The following RPTOR variants were observed in gnomAD, a reference collection of about 807,000 sequenced individuals.
RPTOR encodes the protein regulatory-associated protein of mTOR.
In RPTOR, 21 loss-of-function variants were observed where a neutral mutation model predicts 169.9. The ratio of observed to expected loss-of-function variants is 0.12; its 90% CI spans 0.09 to 0.18. The LOEUF (loss-of-function observed/expected upper bound fraction) is 0.18. Ranked by LOEUF, RPTOR falls within the 10% of genes least tolerant of loss-of-function variation. RPTOR has a pLI of 1.00. For missense variants in RPTOR, 1,133 were observed against 1,855.9 expected (o/e 0.61, Z 7.16); for synonymous variants, 732 against 753.2 (o/e 0.97, Z 0.46).
intron 24 of RPTOR, among the ~76,000 whole-genome samples, chr17:80,938,345 C>T (rs1248101019): frequency 6.6e-6 from 1 of 152,262 alleles, no homozygotes; most frequent in East Asian, 1.9e-4. Flanking sequence ...GAATTCCCAT[C>T]AGTTCCTCTC....
chr17:80,689,411 C>T (rs181998453), intron 3 of RPTOR, among the ~76,000 whole-genome samples: 27 of 152,346 alleles, frequency 1.8e-4, no homozygotes, highest in Admixed American at 8.5e-4. Context: ...CCGAAGCCAT[C>T]GCTGGAGCCC....
intron 24 of RPTOR, 86 bp from the exon 25 acceptor site, chr17:80,940,410 G>C: frequency 2.1e-5 from 23 of 1,106,466 alleles, no homozygotes; most frequent in Non-Finnish European, 3.0e-5. Context: ...TGCTATCCGA[G>C]GGGTCCTAGA....
intron 28 of RPTOR, among the ~76,000 whole-genome samples, chr17:80,956,371 G>A (rs8068193): frequency 0.34 from 51,022 of 152,170 alleles, 9,874 homozygotes; most frequent in East Asian, 0.55. Flanking sequence ...AATACAGGCC[G>A]TCACGTGAGG....
rs145764987 is a variant in RPTOR at position 80,553,631 on chromosome 17, A to G, written c.162+7840A>G. ...TAATTCAGTGAACAAATATTTCCAG[A>G]TGACCAATCCATGATATTATAAAAT... On this transcript the variant is annotated intron_variant, in intron 1 of 33. Coordinates refer to ENST00000306801, the MANE Select transcript of RPTOR (RefSeq NM_020761.3). Among the ~76,000 whole-genome samples the G allele has an allele frequency of 2.4e-3, 370 of 152,338 alleles. 1 individual carries two copies. Among genetic ancestry groups the G allele is most frequent in the African/African-American group, 8.3e-3 (347 of 41,580 alleles).
At chr17:80,632,347 C>G (rs2065448929) in intron 2 of RPTOR, among the ~76,000 whole-genome samples, 2 of 152,342 alleles carry the variant, frequency 1.3e-5, no homozygotes, top group African/African-American at 2.4e-5. Flanking sequence ...GACGCGCAGG[C>G]CCTTCGGGGT....
rs1048529302 is a variant in RPTOR at position 80,646,904 on chromosome 17, G to A, written c.348+3094G>A. On this transcript the variant is annotated intron_variant, in intron 3 of 33. Coordinates refer to ENST00000306801, the MANE Select transcript of RPTOR (RefSeq NM_020761.3). This position sits in a 1 kb window ranked among gnomAD's most constrained non-coding sequence, Gnocchi z 5.0. ...GTAGGAAATGCCTGTTTTCTCAACG[G>A]TAGCGTCCATCCAGGAGGTGCAGAA... 2.0e-5 allele frequency among the ~76,000 whole-genome samples: 3 copies of A among 152,146 alleles called. No homozygotes were observed. The highest frequency in any genetic ancestry group is 2.9e-5 in the Non-Finnish European group (2 of 68,024).
Position 80,549,800 on chromosome 17 carries a change from T to G in RPTOR, c.162+4009T>G, listed in dbSNP as rs9894515. Reference sequence around the variant, plus strand: ...TACACACATGTAGACTGACAGACACTCTGTCTACATGCATGTAGCACCCCT... The same window carrying G: ...TACACACATGTAGACTGACAGACACGCTGTCTACATGCATGTAGCACCCCT... On this transcript the variant is annotated intron_variant, in intron 1 of 33. Coordinates refer to ENST00000306801, the MANE Select transcript of RPTOR (RefSeq NM_020761.3). Among the ~76,000 whole-genome samples the G allele has an allele frequency of 5.9e-5, 9 of 152,296 alleles. No homozygotes were observed. The East Asian group carries it at 1.7e-3, about 29-fold the overall frequency.
Position 80,674,085 on chromosome 17 carries a change from A to G in RPTOR, c.348+30275A>G, listed in dbSNP as rs556382547. Among the ~76,000 whole-genome samples, 3 of 152,268 alleles carry G rather than the reference A, an allele frequency of 2.0e-5. No homozygotes were observed. The South Asian group carries it at 6.2e-4, about 32-fold the overall frequency. ...TTTGTAAAGCACCAATGATTTCACC[A>G]TTCTCCCACCCAAGGTTCATTATAA... On this transcript the variant is annotated intron_variant, in intron 3 of 33. Coordinates refer to ENST00000306801, the MANE Select transcript of RPTOR (RefSeq NM_020761.3).
chr17:80,925,058 A>G (rs1423308414), intron 23 of RPTOR, among the ~76,000 whole-genome samples: 1 of 152,156 alleles, frequency 6.6e-6, no homozygotes, highest in Non-Finnish European at 1.5e-5. Context: ...ACCAGCACAC[A>G]TGGACGCACG....
chr17:80,612,527 T>G (rs1187227432), intron 1 of RPTOR, among the ~76,000 whole-genome samples: 1 of 152,276 alleles, frequency 6.6e-6, no homozygotes, highest in Non-Finnish European at 1.5e-5. Context: ...GCTTCCAGTG[T>G]CGAATTATCT....
intron 1 of RPTOR, among the ~76,000 whole-genome samples, chr17:80,598,759 C>G (rs2065162773): frequency 6.6e-6 from 1 of 152,206 alleles, no homozygotes; most frequent in Non-Finnish European, 1.5e-5. Context: ...AGGCACCGGA[C>G]ATGAAGCTGA....
chr17:80,624,264 A>G (rs2065376664), intron 1 of RPTOR, among the ~76,000 whole-genome samples: 1 of 152,248 alleles, frequency 6.6e-6, no homozygotes, highest in Non-Finnish European at 1.5e-5. Flanking sequence ...GTACATTTGA[A>G]TAAATGGAGA....
intron 3 of RPTOR, among the ~76,000 whole-genome samples, chr17:80,653,647 C>T (rs373383644): frequency 2.0e-5 from 3 of 152,312 alleles, no homozygotes; most frequent in South Asian, 2.1e-4. Flanking sequence ...GCAGGAGGGG[C>T]GGTGCATGTC....
intron 3 of RPTOR, among the ~76,000 whole-genome samples, chr17:80,694,346 G>C (rs762435863): frequency 6.6e-6 from 1 of 152,242 alleles, no homozygotes; most frequent in South Asian, 2.1e-4. Flanking sequence ...TCTGGCAACC[G>C]TTGAATAAAT....
At chr17:80,827,095 A>C (rs954430707) in intron 9 of RPTOR, among the ~76,000 whole-genome samples, 1 of 152,178 alleles carries the variant, frequency 6.6e-6, no homozygotes, top group Non-Finnish European at 1.5e-5. Flanking sequence ...GTGAACACCC[A>C]GGGGGCAGCT....
chr17:80,618,003 C>G (rs532902157), intron 1 of RPTOR, among the ~76,000 whole-genome samples: 1 of 143,950 alleles, frequency 6.9e-6, no homozygotes, highest in Non-Finnish European at 1.5e-5. Flanking sequence ...TTTTTTAAGA[C>G]GGGGTCTTGC....
intron 32 of RPTOR, 151 bp downstream of exon 32, chr17:80,962,728 C>T (rs2069361025): frequency 9.0e-7 from 1 of 1,106,200 alleles, no homozygotes; most frequent in Admixed American, 2.5e-5. Flanking sequence ...AGATGTCTGC[C>T]CACCACATCC....
At chr17:80,772,984 C>T (rs775088690) in intron 6 of RPTOR, among the ~76,000 whole-genome samples, 1 of 152,170 alleles carries the variant, frequency 6.6e-6, no homozygotes, top group Non-Finnish European at 1.5e-5. Context: ...CTTCTGCCTC[C>T]TCCTTCTCAC....
intron 6 of RPTOR, among the ~76,000 whole-genome samples, chr17:80,761,996 T>G (rs2066741080): frequency 6.6e-6 from 1 of 152,186 alleles, no homozygotes. Context: ...AAGTAGAGCC[T>G]CAGTATCATG....
Sources: allele counts gnomAD v4.1 joint callset (sites outside exome capture counted in the v4.1 genomes callset), GRCh38; gene constraint gnomAD v4.1.1; non-coding constraint Gnocchi (gnomAD v3.1); transcripts MANE v1.5; gene names NCBI Gene and HGNC (gene_info 2026-07-23, HGNC 2026-07-21).